The following DAB1 variants were observed in gnomAD, a reference collection of about 807,000 sequenced individuals.
DAB1 encodes disabled homolog 1.
Under a neutral mutation model 64.6 loss-of-function variants are expected in DAB1, and 15 were observed. The ratio of observed to expected loss-of-function variants is 0.23; its 90% confidence interval spans 0.16 to 0.36. DAB1 has a LOEUF of 0.36. DAB1 is among the 10% of genes least tolerant of loss of function. The pLI, the probability that DAB1 is intolerant of heterozygous loss-of-function variation, is 1.00. For synonymous variants in DAB1, 235 were observed against 251.9 expected, an observed-to-expected ratio of 0.93 and a Z score of 0.64; for missense variants, 596 against 706.7, an observed-to-expected ratio of 0.84 and a Z score of 1.78.
chr1:57,246,840 C>T (rs1668920552), intron 2 of DAB1, among the ~76,000 whole-genome samples: 1 of 152,194 alleles, frequency 6.6e-6, no homozygotes, highest in Non-Finnish European at 1.5e-5. Flanking sequence ...TATTTTGAAC[C>T]TTTAAGATTT....
At chr1:58,450,846 A>T (rs1244999008) in intron 3 of DAB1, among the ~76,000 whole-genome samples, 1 of 152,214 alleles carries the variant, frequency 6.6e-6, no homozygotes, top group African/African-American at 2.4e-5. Flanking sequence ...TAAAGTCAGC[A>T]GTTATGTTGG....
At chr1:57,808,197 G>GCACACA (rs3081057) in intron 6 of DAB1, among the ~76,000 whole-genome samples, 5 of 148,294 alleles carry the variant, frequency 3.4e-5, no homozygotes, top group African/African-American at 9.9e-5. Flanking sequence ...ACATGCACAT[G>GCACACA]CACACACACA....
intron 3 of DAB1, among the ~76,000 whole-genome samples, chr1:58,385,606 T>C (rs936102544): frequency 5.3e-5 from 8 of 152,246 alleles, no homozygotes; most frequent in Non-Finnish European, 8.8e-5. Context: ...TTCTATCCAA[T>C]AGAACTTTAC....
intron 7 of DAB1, among the ~76,000 whole-genome samples, chr1:57,611,909 G>A (rs1374739434): frequency 6.6e-6 from 1 of 152,112 alleles, no homozygotes; most frequent in Non-Finnish European, 1.5e-5. Flanking sequence ...TTCCATACCT[G>A]ACTTCCTTCA....
intron 1 of DAB1, among the ~76,000 whole-genome samples, chr1:57,398,985 T>G (rs185772859): frequency 2.0e-3 from 301 of 152,376 alleles, no homozygotes; most frequent in African/African-American, 6.9e-3. Flanking sequence ...GTCCGACTCC[T>G]GGCCGGGCTT....
At chr1:57,567,405 T>C (rs572337248) in intron 7 of DAB1, among the ~76,000 whole-genome samples, 7 of 152,244 alleles carry the variant, frequency 4.6e-5, no homozygotes, top group South Asian at 2.1e-4. Context: ...CTATTCAACA[T>C]AGTGTTGGAA....
intron 7 of DAB1, among the ~76,000 whole-genome samples, chr1:57,632,294 C>T (rs1000572571): frequency 1.1e-4 from 16 of 152,286 alleles, no homozygotes; most frequent in African/African-American, 3.9e-4. Context: ...CCAGATGTTT[C>T]TAAATTAAAG....
At chr1:58,172,078 TA>T (rs1362274852) in intron 4 of DAB1, among the ~76,000 whole-genome samples, 1 of 152,142 alleles carries the variant, frequency 6.6e-6, no homozygotes, top group Non-Finnish European at 1.5e-5. Context: ...GGCCCCTTTA[TA>T]CTCTAATCAA....
intron 1 of DAB1, among the ~76,000 whole-genome samples, chr1:57,313,748 T>C (rs1674941100): frequency 6.6e-6 from 1 of 152,230 alleles, no homozygotes; most frequent in Non-Finnish European, 1.5e-5. Flanking sequence ...ACAATGTTTA[T>C]GCCCCCTCTT....
chr1:58,400,598 A>G (rs1300134454), intron 3 of DAB1, among the ~76,000 whole-genome samples: 4 of 152,212 alleles, frequency 2.6e-5, no homozygotes, highest in Admixed American at 6.5e-5. Context: ...AAATGTATTT[A>G]CGGCGCTGAG....
At chr1:57,098,067 G>A (rs1475189509) in intron 4 of DAB1, among the ~76,000 whole-genome samples, 2 of 152,240 alleles carry the variant, frequency 1.3e-5, no homozygotes, top group Non-Finnish European at 2.9e-5. Context: ...ATGAGCCACC[G>A]CACCCAGCAG....
intron 4 of DAB1, among the ~76,000 whole-genome samples, chr1:57,093,233 G>A (rs553783700): frequency 2.6e-4 from 39 of 152,274 alleles, no homozygotes; most frequent in African/African-American, 8.7e-4. Context: ...CATCACAGAG[G>A]TATGTCCAAG....
Position 57,380,655 on chromosome 1 carries a change from G to A in DAB1, c.-137+43275C>T, listed in dbSNP as rs143970620. Among the ~76,000 whole-genome samples the A allele has an allele frequency of 1.1e-4, 17 of 152,292 alleles. No homozygotes were observed. In the East Asian group the frequency reaches 3.3e-3, roughly 29 times the overall value. On this transcript the variant is annotated intron_variant, in intron 1 of 14. Coordinates refer to ENST00000371236, the MANE Select transcript of DAB1 (RefSeq NM_001365792.1). ...AAGGTGAAATGGCATTGGCCTCTAG[G>A]CTCTTACAGGGCTAGGTCCAGTGGG...
intron 4 of DAB1, among the ~76,000 whole-genome samples, chr1:57,135,283 C>A (rs1657985973): frequency 1.3e-5 from 2 of 152,196 alleles, no homozygotes; most frequent in African/African-American, 4.8e-5. Flanking sequence ...TAGCCTCTGG[C>A]AATCACCATT....
intron 3 of DAB1, among the ~76,000 whole-genome samples, chr1:58,394,962 T>C (rs1644506662): frequency 6.6e-6 from 1 of 151,192 alleles, no homozygotes; most frequent in South Asian, 2.1e-4. Flanking sequence ...ATAAGATATA[T>C]ACAAGGTATA....
chr1:58,104,630 C>A (rs1011315397), intron 5 of DAB1, among the ~76,000 whole-genome samples: 2 of 152,174 alleles, frequency 1.3e-5, no homozygotes, highest in Non-Finnish European at 2.9e-5. Context: ...AAATCCCGAG[C>A]CTTCCTTTAA....
intron 4 of DAB1, among the ~76,000 whole-genome samples, chr1:57,130,158 T>C (rs1657524422): frequency 6.6e-6 from 1 of 151,938 alleles, no homozygotes. Context: ...TTCTTAATTC[T>C]GCTTAGAGGA....
chr1:57,591,118 A>G (rs1441723481), intron 7 of DAB1, among the ~76,000 whole-genome samples: 1 of 152,170 alleles, frequency 6.6e-6, no homozygotes, highest in Admixed American at 6.5e-5. Flanking sequence ...CCTTGAATGC[A>G]GCGACTCTCA....
intron 3 of DAB1, among the ~76,000 whole-genome samples, chr1:58,473,393 T>C (rs1645383273): frequency 6.7e-6 from 1 of 148,934 alleles, no homozygotes; most frequent in Non-Finnish European, 1.5e-5. Flanking sequence ...ATACAAAAAA[T>C]TAGCCGGGCG....
Sources: gnomAD v4.1 joint callset for allele counts (sites outside exome capture counted in the v4.1 genomes callset) on GRCh38, gnomAD v4.1.1 for gene constraint, MANE v1.5 for transcripts, NCBI Gene and HGNC (gene_info 2026-07-23, HGNC 2026-07-21) for gene names.